The following ATP6V0D1 variants were observed in gnomAD, a reference collection of about 807,000 sequenced individuals.
The protein encoded by ATP6V0D1 is V-type proton ATPase subunit d 1.
Under a neutral mutation model 39.0 loss-of-function variants are expected in ATP6V0D1, and 13 were observed. The observed-to-expected ratio is 0.33, with a 90% CI of 0.22 to 0.53. The LOEUF is 0.53. Ranked by LOEUF, ATP6V0D1 falls within the 20% of genes least tolerant of loss-of-function variation. ATP6V0D1 has a pLI of 0.94. For synonymous variants in ATP6V0D1, 191 were observed against 191.2 expected (o/e 1.00, Z 0.01); for missense variants, 272 against 470.9 (o/e 0.58, Z 3.91).
chr16:67,471,949 T>C (rs1597583737), intron 1 of ATP6V0D1, among the ~76,000 whole-genome samples: 1 of 151,532 alleles, frequency 6.6e-6, no homozygotes, highest in African/African-American at 2.4e-5. Context: ...GCCCAGTGAG[T>C]TTCTAATTGT....
In ATP6V0D1 at chr16:67,481,111, G is replaced by C; in HGVS notation, c.-25C>G. 6.2e-7 allele frequency: 1 copy of C among 1,613,180 alleles called. No homozygotes were observed. Among genetic ancestry groups the C allele is most frequent in the Non-Finnish European group, 8.5e-7 (1 of 1,179,420 alleles). On this transcript the variant is annotated 5_prime_UTR_variant, in exon 1 of 8. Coordinates refer to ENST00000290949, the MANE Select transcript of ATP6V0D1 (RefSeq NM_004691.5). ...TGGCTGCTGCGGGAGCGGCGGGACC[G>C]GAGAACCAGGACCGGCCGGCACGAA...
At chr16:67,469,818 T>G (rs2041358840) in intron 1 of ATP6V0D1, among the ~76,000 whole-genome samples, 1 of 152,102 alleles carries the variant, frequency 6.6e-6, no homozygotes, top group Admixed American at 6.6e-5. Flanking sequence ...AATAGAAGAG[T>G]ACATAAAAAG....
chr16:67,438,315 T>G lies in ATP6V0D1; in HGVS notation c.*213A>C, dbSNP rs1015541478. 28 of 611,086 alleles carry G rather than the reference T, an allele frequency of 4.6e-5. No homozygotes were observed. In the Admixed American group the frequency reaches 7.7e-4, roughly 17 times the overall value. 37.9% of individuals were successfully genotyped at this position (611,086 alleles called of 1,614,324 possible). On this transcript the variant is annotated 3_prime_UTR_variant, in exon 8 of 8. Coordinates refer to ENST00000290949, the MANE Select transcript of ATP6V0D1 (RefSeq NM_004691.5). ...TCTGGAGGGGGTCTTCGTCCATCCT[T>G]GGTGGGGGGGGGTGCCCAGCCCCTT...
chr16:67,446,916 A>G (rs1003368543), intron 2 of ATP6V0D1, among the ~76,000 whole-genome samples: 3 of 152,144 alleles, frequency 2.0e-5, no homozygotes, highest in Non-Finnish European at 2.9e-5. Flanking sequence ...AGGCCCAGAG[A>G]GGGCCAGCAC....
intron 1 of ATP6V0D1, among the ~76,000 whole-genome samples, chr16:67,465,616 A>AACTC (rs1393658035): frequency 1.9e-4 from 29 of 152,230 alleles, no homozygotes; most frequent in Admixed American, 1.8e-3. Context: ...AGCTGCTGGC[A>AACTC]TGACCCAGGT....
At chr16:67,476,960 G>A (rs1459762603) in intron 1 of ATP6V0D1, among the ~76,000 whole-genome samples, 1 of 150,006 alleles carries the variant, frequency 6.7e-6, no homozygotes, top group African/African-American at 2.5e-5. Context: ...TTGAACCTGG[G>A]AGGCAGAGGT....
rs2041249726 is a variant in ATP6V0D1, at chr16:67,457,531, T to C, written c.131-3816A>G. On this transcript the variant is annotated intron_variant, in intron 1 of 7. Transcript: ENST00000290949. ...GAAGCCAGGGCATGCCTTCTTCCCC[T>C]CCTCGGAGGCAGCCTGAACACTCAC... is the stretch of plus-strand genomic sequence containing the variant. 2.4e-6 allele frequency: 3 copies of C among 1,273,596 alleles called. No individual in the cohort carries two copies. In the African/African-American group the frequency reaches 4.6e-5, roughly 19 times the overall value. 78.9% of individuals were successfully genotyped at this position (1,273,596 alleles called of 1,614,324 possible). A position where few individuals can be genotyped will look rare whatever the true frequency, so the allele number is the denominator to read the frequency against.
chr16:67,459,158 CTGCTCCAGCAAG>C (rs2041268954), intron 1 of ATP6V0D1: 2 of 985,400 alleles, frequency 2.0e-6, no homozygotes, highest in Admixed American at 6.1e-5. Context: ...CCTGTGATCT[CTGCTCCAGCAAG>C]TGCTCCAGGG....
intron 2 of ATP6V0D1, among the ~76,000 whole-genome samples, chr16:67,446,253 C>T (rs994246806): frequency 1.3e-4 from 20 of 152,254 alleles, no homozygotes; most frequent in Admixed American, 7.8e-4. Context: ...AGGAAAAGGC[C>T]CCAGCTCCTG....
intron 1 of ATP6V0D1, among the ~76,000 whole-genome samples, chr16:67,473,279 C>T (rs147243744): frequency 3.9e-4 from 59 of 152,278 alleles, no homozygotes; most frequent in African/African-American, 1.3e-3. Context: ...ATACAATTTG[C>T]CAACTTAAAG....
Position 67,447,721 on chromosome 16 carries a change from C to G in ATP6V0D1, c.303-3015G>C, listed in dbSNP as rs191424234. On this transcript the variant is annotated intron_variant, in intron 2 of 7. Transcript: ENST00000290949. This position sits in a 1 kb window ranked among gnomAD's most constrained non-coding sequence, Gnocchi z 4.1. ...CATCTTGGGTTGGAGTTTAGGAAGCCACTTCCTCCAAGAAGCCTTCAGAGT... is the reference window on the plus strand; with the variant it reads ...CATCTTGGGTTGGAGTTTAGGAAGCGACTTCCTCCAAGAAGCCTTCAGAGT... Among the ~76,000 whole-genome samples the G allele has an allele frequency of 6.6e-6, 1 of 152,224 alleles. No homozygotes were observed. The highest frequency in any genetic ancestry group is 6.5e-5 in the Admixed American group (1 of 15,286).
intron 1 of ATP6V0D1, among the ~76,000 whole-genome samples, chr16:67,466,320 AACACAT>A (rs1429711273): frequency 4.3e-5 from 5 of 116,252 alleles, no homozygotes; most frequent in African/African-American, 1.8e-4. Flanking sequence ...GTATCTAGTA[AACACAT>A]ACACACACAC....
chr16:67,452,484 C>A, intron 2 of ATP6V0D1: 2 of 1,313,402 alleles, frequency 1.5e-6, no homozygotes, highest in African/African-American at 1.5e-5. Flanking sequence ...CCTGCAGGGA[C>A]AAGTGGGGCA....
At position 67,438,879 on chromosome 16, in the gene ATP6V0D1, G is replaced by A. The variant is rs749567809; in HGVS notation, c.817-9C>T. On this transcript the variant is annotated splice_polypyrimidine_tract_variant and intron_variant, in intron 6 of 7. Transcript: ENST00000290949. Reference sequence around the variant, plus strand: ...AAGAGCAGCTTGTACTCCTGGCCAGGGGGGTGGGGGGAAGCACAAGCATGA... The same window carrying A: ...AAGAGCAGCTTGTACTCCTGGCCAGAGGGGTGGGGGGAAGCACAAGCATGA... The A allele has an allele frequency of 1.2e-6, 2 of 1,613,656 alleles. No homozygotes were observed. The highest frequency in any genetic ancestry group is 1.3e-5 in the African/African-American group (1 of 74,888).
intron 4 of ATP6V0D1, among the ~76,000 whole-genome samples, chr16:67,442,094 C>T (rs528336284): frequency 5.9e-5 from 9 of 152,400 alleles, no homozygotes; most frequent in African/African-American, 1.9e-4. Flanking sequence ...TCCTTCTGCA[C>T]GTGCTGGTCC....
rs2040997619 is a variant in ATP6V0D1 at position 67,438,194 on chromosome 16, G to C, written c.*334C>G. On this transcript the variant is annotated 3_prime_UTR_variant, in exon 8 of 8. Transcript: ENST00000290949. The stretch of plus-strand genomic sequence containing the variant: ...GGCTCAAACTGCCCCCAGGCCCCAG[G>C]GTTCTCAGGTCAGGGAGTTAGGGAG... The C allele has an allele frequency of 6.6e-6, 2 of 302,272 alleles. No individual in the cohort carries two copies. The highest frequency in any genetic ancestry group is 2.2e-5 in the African/African-American group (1 of 45,884). The allele number at this position is 302,272 out of a possible 1,614,324, so 18.7% of individuals were successfully genotyped here.
intron 1 of ATP6V0D1, among the ~76,000 whole-genome samples, chr16:67,469,308 AAAAT>A (rs542165715): frequency 2.0e-5 from 3 of 152,102 alleles, no homozygotes; most frequent in South Asian, 2.1e-4. Context: ...ACTCCTTCTC[AAAAT>A]AAATAAATAA....
chr16:67,439,564 G>A (rs1309354106), intron 4 of ATP6V0D1: 2 of 596,994 alleles, frequency 3.4e-6, no homozygotes, highest in African/African-American at 3.7e-5. Flanking sequence ...CTCCCACCCA[G>A]GAGTGCCAGG....
Position 67,438,424 on chromosome 16 carries a change from G to T in ATP6V0D1, c.*104C>A. ...CGTACTACACCCCGGACAGGCAGGTGAGCCACAGGCTTGTCACAGACCACA... is the reference window on the plus strand; with the variant it reads ...CGTACTACACCCCGGACAGGCAGGTTAGCCACAGGCTTGTCACAGACCACA... On this transcript the variant is annotated 3_prime_UTR_variant, in exon 8 of 8. Transcript: ENST00000290949. The T allele has an allele frequency of 7.2e-7, 1 of 1,396,828 alleles. No homozygotes were observed. Among genetic ancestry groups the T allele is most frequent in the Non-Finnish European group, 9.8e-7 (1 of 1,023,490 alleles). 86.5% of individuals were successfully genotyped at this position (1,396,828 alleles called of 1,614,324 possible).
Sources: gnomAD v4.1 joint callset for allele counts (sites outside exome capture counted in the v4.1 genomes callset) on GRCh38, gnomAD v4.1.1 for gene constraint, Gnocchi (gnomAD v3.1) non-coding constraint, MANE v1.5 for transcripts, NCBI Gene and HGNC (gene_info 2026-07-23, HGNC 2026-07-21) for gene names.